The following ZNF44 variants were observed in gnomAD, a reference collection of about 807,000 sequenced individuals.
ZNF44 encodes the protein zinc finger protein 44.
In ZNF44, 9 loss-of-function variants were observed where a neutral mutation model predicts 11.7. The ratio of observed to expected loss-of-function variants is 0.77; its 90% confidence interval spans 0.46 to 1.35. The LOEUF is 1.35. Ranked by LOEUF, ZNF44 falls within the 40% of genes most tolerant of loss-of-function variation. ZNF44 has a pLI of 0.00. For synonymous variants in ZNF44, 224 were observed against 242.7 expected (o/e 0.92, Z 0.72); for missense variants, 696 against 743.1 (o/e 0.94, Z 0.74).
At chr19:12,294,301 A>G (rs1968145333) in intron 1 of ZNF44, among the ~76,000 whole-genome samples, 1 of 151,588 alleles carries the variant, frequency 6.6e-6, no homozygotes, top group Non-Finnish European at 1.5e-5. Flanking sequence ...CAAACCTCTC[A>G]CGGAGGCGGA....
downstream of ZNF44, chr19:12,224,767 G>C (rs1411321358): frequency 6.6e-6 from 1 of 152,284 alleles, no homozygotes; most frequent in Non-Finnish European, 1.5e-5. Context: ...TTTCCTTGCA[G>C]ACTAAGAATG....
At chr19:12,249,666 C>A (rs183379875) in intron 7 of ZNF44, among the ~76,000 whole-genome samples, 1 of 152,228 alleles carries the variant, frequency 6.6e-6, no homozygotes, top group African/African-American at 2.4e-5. Flanking sequence ...GATTCTCCTG[C>A]CTCAGCCTCC....
At chr19:12,265,155 A>G in intron 5 of ZNF44, among the ~76,000 whole-genome samples, 1 of 152,134 alleles carries the variant, frequency 6.6e-6, no homozygotes, top group East Asian at 1.9e-4. Context: ...ACAGTGGCTC[A>G]TGCCCGTAAT....
intron 2 of ZNF44, among the ~76,000 whole-genome samples, chr19:12,232,261 C>G (rs1337742259): frequency 1.3e-5 from 2 of 152,204 alleles, no homozygotes; most frequent in African/African-American, 2.4e-5. Flanking sequence ...GGGTTTTATA[C>G]CGAGACATTC....
At chr19:12,288,774 G>GTATATATACATATATATATA (rs1967870248) in intron 1 of ZNF44, among the ~76,000 whole-genome samples, 2 of 76,840 alleles carry the variant, frequency 2.6e-5, no homozygotes, top group African/African-American at 1.8e-4. Context: ...AAAAAAAAAT[G>GTATATATACATATATATATA]TATATATATA....
exon 6 of ZNF44, chr19:12,250,358 G>A (rs1916938998): frequency 7.3e-7 from 1 of 1,362,440 alleles, no homozygotes; most frequent in African/African-American, 1.5e-5. Flanking sequence ...ATCTTCAAAG[G>A]TCACTGAGTC....
intron 1 of ZNF44, among the ~76,000 whole-genome samples, chr19:12,235,363 C>T (rs377577923): frequency 2.6e-4 from 40 of 151,536 alleles, no homozygotes; most frequent in African/African-American, 8.8e-4. Context: ...AGCGAGACTC[C>T]GTCTCGTCTC....
chr19:12,273,863 C>T lies in ZNF44; in HGVS notation c.392G>A (p.Arg131Gln), dbSNP rs538818272. ...CTTCTCTGCATATTCATGACACTCCCGGTGTTTGTGTCCAGTATCAACTCT... is the reference window on the plus strand; with the variant it reads ...CTTCTCTGCATATTCATGACACTCCTGGTGTTTGTGTCCAGTATCAACTCT... Reference protein sequence around the residue: ...YIRVDTGHKHRECHEYAEKSY... With the variant: ...YIRVDTGHKHQECHEYAEKSY... Residue 131 changes from arginine (R) to glutamine (Q), a missense_variant, in exon 4 of 4, where the codon CGG becomes CAG. Physicochemically the swap from Arg to Gln is conservative, Grantham distance 43 (BLOSUM62 1). Coordinates refer to ENST00000355684, the MANE Select transcript of ZNF44 (RefSeq NM_016264.4). 2.4e-5 allele frequency: 38 copies of T among 1,614,130 alleles called. No homozygotes were observed. The highest frequency in any genetic ancestry group is 8.0e-5 in the African/African-American group (6 of 75,032).
chr19:12,233,522 C>T (rs1046940558), intron 2 of ZNF44, among the ~76,000 whole-genome samples: 1 of 126,990 alleles, frequency 7.9e-6, no homozygotes, highest in Non-Finnish European at 1.6e-5. Context: ...CAAAAATGTC[C>T]AATTTGCAAC....
At chr19:12,293,997 A>G (rs59305069) in intron 1 of ZNF44, among the ~76,000 whole-genome samples, 25,557 of 150,716 alleles carry the variant, frequency 0.17, 604 homozygotes, top group East Asian at 0.25. Context: ...GCTGCTTCAC[A>G]GGAAGCCGCC....
At chr19:12,282,421 C>CCT (rs1967510802) in intron 1 of ZNF44, among the ~76,000 whole-genome samples, 4 of 126,238 alleles carry the variant, frequency 3.2e-5, no homozygotes, top group Non-Finnish European at 6.5e-5. Flanking sequence ...GAGAAGTCTT[C>CCT]TTTTTTTTTT....
chr19:12,245,053 T>C (rs565304237), downstream of ZNF44, among the ~76,000 whole-genome samples: 245 of 152,358 alleles, frequency 1.6e-3, 1 homozygote, highest in African/African-American at 5.7e-3. Context: ...GCTTTGTTCC[T>C]GTGGTATTCT....
At chr19:12,278,169 C>T (rs1435714542) in intron 1 of ZNF44, among the ~76,000 whole-genome samples, 1 of 152,246 alleles carries the variant, frequency 6.6e-6, no homozygotes, top group East Asian at 1.9e-4. Flanking sequence ...GGGTGGAAAA[C>T]TGCTTAAGGC....
intron 5 of ZNF44, among the ~76,000 whole-genome samples, chr19:12,252,937 G>C (rs1917077679): frequency 8.3e-6 from 1 of 120,408 alleles, no homozygotes; most frequent in Non-Finnish European, 1.6e-5. Flanking sequence ...TCCCAGGCTA[G>C]AATGCACTGG....
exon 8 of ZNF44, chr19:12,247,891 GT>G (rs747016128): frequency 7.5e-7 from 1 of 1,328,268 alleles, no homozygotes; most frequent in Non-Finnish European, 9.9e-7. Context: ...TTCCTCTCAT[GT>G]TTTTGAGCAG....
upstream of ZNF44, among the ~76,000 whole-genome samples, chr19:12,240,272 C>T (rs1025123484): frequency 2.6e-5 from 4 of 151,780 alleles, no homozygotes; most frequent in African/African-American, 7.2e-5. Context: ...GGTGAAACCC[C>T]GTCTCTACTA....
At chr19:12,289,613 T>C (rs1266517467) in intron 1 of ZNF44, among the ~76,000 whole-genome samples, 4 of 151,828 alleles carry the variant, frequency 2.6e-5, no homozygotes, top group African/African-American at 9.7e-5. Context: ...TCTTCTCCCT[T>C]ATGTAGCGCT....
intron 3 of ZNF44, among the ~76,000 whole-genome samples, chr19:12,229,640 G>C (rs1306075508): frequency 6.7e-6 from 1 of 149,118 alleles, no homozygotes; most frequent in Non-Finnish European, 1.5e-5. Context: ...TTGAGACTTT[G>C]TCTTGCTCTG....
intron 1 of ZNF44, among the ~76,000 whole-genome samples, chr19:12,278,100 G>A (rs966104390): frequency 4.6e-5 from 7 of 152,168 alleles, no homozygotes; most frequent in African/African-American, 9.7e-5. Context: ...TGGCTATGAC[G>A]CACATGCTGA....
Sources: allele counts gnomAD v4.1 joint callset (sites outside exome capture counted in the v4.1 genomes callset), GRCh38; gene constraint gnomAD v4.1.1; transcripts MANE v1.5; gene names NCBI Gene and HGNC (gene_info 2026-07-23, HGNC 2026-07-21).